COMMD9: variants seen among roughly 807,000 people sequenced by gnomAD.
COMMD9 encodes COMM domain-containing protein 9.
A neutral mutation model predicts 23.4 loss-of-function variants in COMMD9; 22 were observed. The ratio of observed to expected loss-of-function variants is 0.94; its 90% CI spans 0.67 to 1.34. The LOEUF is 1.34. Ranked by LOEUF, COMMD9 falls within the 40% of genes most tolerant of loss-of-function variation. The pLI is 0.00. For synonymous variants in COMMD9, 99 were observed against 97.4 expected, an observed-to-expected ratio of 1.02 and a Z score of -0.10; for missense variants, 231 against 240.2, an observed-to-expected ratio of 0.96 and a Z score of 0.25.
intron 3 of COMMD9, among the ~76,000 whole-genome samples, chr11:36,277,711 T>C (rs1855997832): frequency 7.4e-6 from 1 of 134,326 alleles, no homozygotes; most frequent in Non-Finnish European, 1.6e-5. Flanking sequence ...CAAGAAAATA[T>C]ACAGATACTT....
chr11:36,278,036 A>G (rs1353677419), intron 3 of COMMD9, among the ~76,000 whole-genome samples: 1 of 152,232 alleles, frequency 6.6e-6, no homozygotes, highest in Non-Finnish European at 1.5e-5. Context: ...GTTCACTGAA[A>G]TGAAAAAATG....
At position 36,278,619 on chromosome 11, in the gene COMMD9, G is replaced by A. The variant is rs1565351282; in HGVS notation, c.178-3C>T. 1.2e-6 allele frequency: 2 copies of A among 1,612,976 alleles called. No individual in the cohort carries two copies. The highest frequency in any genetic ancestry group is 1.7e-6 in the Non-Finnish European group (2 of 1,179,658). Reference sequence around the variant, plus strand: ...AGGCGGTGCAGAGCCTGGAGCAGCTGCAAGATAAACGGAACCACCTGTAGC... The same window carrying A: ...AGGCGGTGCAGAGCCTGGAGCAGCTACAAGATAAACGGAACCACCTGTAGC... On this transcript the variant is annotated splice_polypyrimidine_tract_variant and splice_region_variant and intron_variant, in intron 2 of 5. Coordinates refer to ENST00000263401, the MANE Select transcript of COMMD9 (RefSeq NM_014186.4).
intron 1 of COMMD9, among the ~76,000 whole-genome samples, 159 bp from the exon 2 acceptor site, chr11:36,280,996 C>T (rs1195731124): frequency 2.0e-5 from 3 of 152,086 alleles, no homozygotes; most frequent in South Asian, 2.1e-4. Flanking sequence ...TGTACTTTTC[C>T]CTAATCTTGC....
intron 3 of COMMD9, 48 bp downstream of exon 3, chr11:36,278,429 A>T (rs763934026): frequency 6.6e-7 from 1 of 1,525,598 alleles, no homozygotes; most frequent in Non-Finnish European, 9.1e-7. Context: ...AATAAAAATA[A>T]TAAGAAATGT....
At chr11:36,279,280 C>T (rs1213717019) in intron 2 of COMMD9, among the ~76,000 whole-genome samples, 3 of 152,198 alleles carry the variant, frequency 2.0e-5, no homozygotes, top group Non-Finnish European at 4.4e-5. Flanking sequence ...GCATGTCTGC[C>T]CGTCCTGCTA....
chr11:36,285,059 C>A (rs1276426870), intron 1 of COMMD9, among the ~76,000 whole-genome samples: 1 of 151,940 alleles, frequency 6.6e-6, no homozygotes, highest in African/African-American at 2.4e-5. Flanking sequence ...ATAGAGAAAT[C>A]GATGAAAGAA....
At position 36,272,791 on chromosome 11, in the gene COMMD9, A is replaced by T. The variant is rs1855900268; in HGVS notation, c.*1841T>A. The T allele has an allele frequency of 6.6e-6, 1 of 152,190 alleles. No homozygotes were observed. Among genetic ancestry groups the T allele is most frequent in the Non-Finnish European group, 1.5e-5 (1 of 68,032 alleles). The allele number at this position is 152,190 out of a possible 1,614,324, so 9.4% of individuals were successfully genotyped here. On this transcript the variant is annotated 3_prime_UTR_variant, in exon 6 of 6. Transcript: ENST00000263401. ...CAAATGGCGCTAGTCACAGAATTAT[A>T]TGTTCCTTGCAAAGTCCTGTGTTGT...
chr11:36,274,548 G>C lies in COMMD9; in HGVS notation c.*84C>G, dbSNP rs995858967. The C allele has an allele frequency of 1.3e-6, 2 of 1,552,812 alleles. No individual in the cohort carries two copies. Among genetic ancestry groups the C allele is most frequent in the African/African-American group, 2.7e-5 (2 of 73,868 alleles). On this transcript the variant is annotated 3_prime_UTR_variant, in exon 6 of 6. Coordinates refer to ENST00000263401, the MANE Select transcript of COMMD9 (RefSeq NM_014186.4). ...ACCATCCTGCCTGTTGTCAGCTGCA[G>C]CTGCAAGGGCAGCCTGCATATGGGG...
At chr11:36,280,574 A>G (rs1383955394) in intron 2 of COMMD9, 138 bp downstream of exon 2, 6 of 775,986 alleles carry the variant, frequency 7.7e-6, no homozygotes, top group Non-Finnish European at 5.8e-6. Context: ...TCTCCCATTC[A>G]TGTCCCATTT....
intron 1 of COMMD9, among the ~76,000 whole-genome samples, chr11:36,281,154 C>G (rs1590402016): frequency 6.6e-6 from 1 of 152,176 alleles, no homozygotes. Flanking sequence ...TTCATATATC[C>G]CAGACTTTCA....
At chr11:36,284,360 C>A (rs1461425281) in intron 1 of COMMD9, among the ~76,000 whole-genome samples, 3 of 152,128 alleles carry the variant, frequency 2.0e-5, no homozygotes. Context: ...ATGTACCCAA[C>A]AACAGAATTG....
At position 36,274,601 on chromosome 11, in the gene COMMD9, G is replaced by C; in HGVS notation, c.*31C>G. On this transcript the variant is annotated 3_prime_UTR_variant, in exon 6 of 6. Coordinates refer to ENST00000263401, the MANE Select transcript of COMMD9 (RefSeq NM_014186.4). ...ACATTTATCACTCATGAGCAGCTGG[G>C]TCATGGCAGTGGCCCTGGCAGCTGG... The C allele has an allele frequency of 6.2e-7, 1 of 1,613,756 alleles. No individual in the cohort carries two copies. Among genetic ancestry groups the C allele is most frequent in the Non-Finnish European group, 8.5e-7 (1 of 1,179,800 alleles).
chr11:36,283,677 G>A (rs1423711345), intron 1 of COMMD9, among the ~76,000 whole-genome samples: 1 of 152,080 alleles, frequency 6.6e-6, no homozygotes, highest in Non-Finnish European at 1.5e-5. Context: ...AGAACAGGCA[G>A]AAAACAAAAA....
At chr11:36,280,944 T>C in intron 1 of COMMD9, 107 bp from the exon 2 acceptor site, 1 of 1,144,924 alleles carries the variant, frequency 8.7e-7, no homozygotes, top group Non-Finnish European at 1.2e-6. Flanking sequence ...ACTTAAATTT[T>C]AAAGGTACAT....
At position 36,273,426 on chromosome 11, in the gene COMMD9, G is replaced by A. The variant is rs2133420433; in HGVS notation, c.*1206C>T. ...CTCATTTGGTTAAACTCGAAGGAGT[G>A]CCTTCATCATAGCTCTTGTAACAAG... On this transcript the variant is annotated 3_prime_UTR_variant, in exon 6 of 6. Coordinates refer to ENST00000263401, the MANE Select transcript of COMMD9 (RefSeq NM_014186.4). 6.6e-6 allele frequency: 1 copy of A among 152,340 alleles called. No individual in the cohort carries two copies. The allele number at this position is 152,340 out of a possible 1,614,324, so 9.4% of individuals were successfully genotyped here. A position where few individuals can be genotyped will look rare whatever the true frequency, so the allele number is the denominator to read the frequency against.
chr11:36,286,646 A>G (rs1856164527), intron 1 of COMMD9, among the ~76,000 whole-genome samples: 1 of 152,068 alleles, frequency 6.6e-6, no homozygotes, highest in Admixed American at 6.6e-5. Flanking sequence ...ACCATTTGCA[A>G]TTGCTCAAAA....
chr11:36,281,556 A>C (rs1377976829), intron 1 of COMMD9, among the ~76,000 whole-genome samples: 2 of 152,232 alleles, frequency 1.3e-5, no homozygotes, highest in Non-Finnish European at 2.9e-5. Context: ...ACCCTTACCC[A>C]GTGGTAACAA....
Position 36,274,594 on chromosome 11 carries a change from C to T in COMMD9, c.*38G>A. 1 of 1,613,016 alleles carries T rather than the reference C, an allele frequency of 6.2e-7. No homozygotes were observed. The highest frequency in any genetic ancestry group is 8.5e-7 in the Non-Finnish European group (1 of 1,179,412). On this transcript the variant is annotated 3_prime_UTR_variant, in exon 6 of 6. Coordinates refer to ENST00000263401, the MANE Select transcript of COMMD9 (RefSeq NM_014186.4). ...TGGGGAGACATTTATCACTCATGAG[C>T]AGCTGGGTCATGGCAGTGGCCCTGG...
In COMMD9 at chr11:36,280,702, C is replaced by A; in HGVS notation, c.177+10G>T. ...GCCAGTGGCCAAAGATCATTTCTGA[C>A]CACACTTACTTCCTCTGCCTCCTCC... On this transcript the variant is annotated intron_variant, in intron 2 of 5. Transcript: ENST00000263401. 3 of 1,582,454 alleles carry A rather than the reference C, an allele frequency of 1.9e-6. No homozygotes were observed. The highest frequency in any genetic ancestry group is 1.4e-5 in the African/African-American group (1 of 73,622).
Sources: allele counts gnomAD v4.1 joint callset (sites outside exome capture counted in the v4.1 genomes callset), GRCh38; gene constraint gnomAD v4.1.1; transcripts MANE v1.5; gene names NCBI Gene and HGNC (gene_info 2026-07-23, HGNC 2026-07-21).